Variants in SORCS2 observed in about 807,000 individuals in gnomAD.
SORCS2 encodes VPS10 domain-containing receptor SorCS2.
In SORCS2, 100 loss-of-function variants were observed where a neutral mutation model predicts 141.6. The ratio of observed to expected loss-of-function variants is 0.71; its 90% CI spans 0.60 to 0.83. SORCS2 has a LOEUF of 0.83. Among genes scored for constraint, SORCS2 ranks in the 40% least tolerant of loss-of-function variants. The pLI, the probability that SORCS2 is intolerant of heterozygous loss-of-function variation, is 0.00. For missense variants in SORCS2, 1,646 were observed against 1,560.2 expected (o/e 1.05, Z -0.93); for synonymous variants, 789 against 676.9 (o/e 1.17, Z -2.57).
rs564377684 is a variant in SORCS2 at position 7,686,059 on chromosome 4, C to T, written c.1488+3170C>T. On this transcript the variant is annotated intron_variant, in intron 10 of 26. Transcript: ENST00000507866. ...AGTTGTCATTGGGATCCCACACGTGCGTGATTTTTCAGCCCTCTGTTTTTC... is the reference window on the plus strand; with the variant it reads ...AGTTGTCATTGGGATCCCACACGTGTGTGATTTTTCAGCCCTCTGTTTTTC... Among the ~76,000 whole-genome samples the T allele has an allele frequency of 3.3e-4, 51 of 152,312 alleles. 2 individuals carry two copies. The highest frequency in any genetic ancestry group is 4.1e-4 in the South Asian group (2 of 4,828).
At chr4:7,288,461 A>C (rs1229788330) in intron 1 of SORCS2, among the ~76,000 whole-genome samples, 1 of 149,744 alleles carries the variant, frequency 6.7e-6, no homozygotes, top group Non-Finnish European at 1.5e-5. Context: ...TGGAGGCTGG[A>C]TGTCCAAGAT....
intron 3 of SORCS2, among the ~76,000 whole-genome samples, chr4:7,629,909 G>A (rs989389679): frequency 2.0e-5 from 3 of 152,078 alleles, no homozygotes; most frequent in African/African-American, 7.2e-5. Flanking sequence ...GAAACTTAGT[G>A]TGCTCTTGTA....
intron 1 of SORCS2, among the ~76,000 whole-genome samples, chr4:7,375,622 C>T (rs971595348): frequency 6.6e-6 from 1 of 152,210 alleles, no homozygotes; most frequent in African/African-American, 2.4e-5. Flanking sequence ...GGCTTGGCTG[C>T]CCAGAACCAG....
chr4:7,378,739 C>G (rs569079914), intron 1 of SORCS2, among the ~76,000 whole-genome samples: 1 of 152,312 alleles, frequency 6.6e-6, no homozygotes, highest in South Asian at 2.1e-4. Flanking sequence ...TTGCATGTGT[C>G]ATCCCTGAGG....
chr4:7,433,413 C>T (rs961521740), intron 2 of SORCS2: 1 of 1,510,508 alleles, frequency 6.6e-7, no homozygotes, highest in African/African-American at 1.4e-5. Context: ...GGCTCCTGCA[C>T]CAGAAGCTTG....
chr4:7,420,490 A>C (rs1725967671), intron 2 of SORCS2, among the ~76,000 whole-genome samples: 1 of 152,174 alleles, frequency 6.6e-6, no homozygotes. Context: ...CAGCCAGTGG[A>C]CATGTGGGGG....
rs201336085 is a variant in SORCS2, at chr4:7,638,381, C to T, written c.702C>T (p.Ser234=). The T allele has an allele frequency of 3.4e-5, 54 of 1,568,378 alleles. No homozygotes were observed. Among genetic ancestry groups the T allele is most frequent in the African/African-American group, 2.2e-4 (16 of 72,826 alleles). ...LSDRDQSLFL[S]ADEGATFQKQ... ...ACCGGGACCAGAGCCTATTCCTCAG[C>T]GCAGACGAAGGCGCCACCTTTCAGA... is the stretch of plus-strand genomic sequence containing the variant. The change falls in exon 4 of 27, where the codon AGC becomes AGT. Residue 234 remains serine, a synonymous_variant. Coordinates refer to ENST00000507866, the MANE Select transcript of SORCS2 (RefSeq NM_020777.3).
At chr4:7,231,521 C>T (rs963421520) in intron 1 of SORCS2, among the ~76,000 whole-genome samples, 2 of 152,042 alleles carry the variant, frequency 1.3e-5, no homozygotes, top group Admixed American at 6.5e-5. Context: ...ATCTGTCCAT[C>T]CATCCATCCA....
At chr4:7,639,781 GT>G (rs1478711512) in intron 4 of SORCS2, among the ~76,000 whole-genome samples, 6 of 151,872 alleles carry the variant, frequency 4.0e-5, no homozygotes, top group Non-Finnish European at 8.8e-5. Context: ...ACGTGTGTGT[GT>G]GTGGGTATGT....
intron 3 of SORCS2, among the ~76,000 whole-genome samples, chr4:7,576,135 G>A (rs542365945): frequency 7.9e-5 from 12 of 152,310 alleles, no homozygotes; most frequent in African/African-American, 1.4e-4. Flanking sequence ...ATTAATTAGC[G>A]TGCGAGGGAG....
At chr4:7,422,741 C>T (rs1289789453) in intron 2 of SORCS2, among the ~76,000 whole-genome samples, 1 of 152,180 alleles carries the variant, frequency 6.6e-6, no homozygotes, top group African/African-American at 2.4e-5. Context: ...CCGTCTCTCG[C>T]CTGGACGCCA....
Position 7,741,148 on chromosome 4 carries a change from T to A in SORCS2, c.*884T>A. 3 of 398,258 alleles carry A rather than the reference T, an allele frequency of 7.5e-6. No homozygotes were observed. In the East Asian group the frequency reaches 1.1e-4, roughly 14 times the overall value. 24.7% of individuals were successfully genotyped at this position (398,258 alleles called of 1,614,324 possible). ...AAGGAGCCAGATGCCCCCAGAAAGG[T>A]GGGTGGTGGAGACGGCACCAGATGT... is the stretch of plus-strand genomic sequence containing the variant. On this transcript the variant is annotated 3_prime_UTR_variant, in exon 27 of 27. Transcript: ENST00000507866.
At chr4:7,290,092 G>A (rs1218671051) in intron 1 of SORCS2, among the ~76,000 whole-genome samples, 1 of 152,182 alleles carries the variant, frequency 6.6e-6, no homozygotes, top group Non-Finnish European at 1.5e-5. Context: ...ATATGGGGGA[G>A]ACTGCAAGTA....
chr4:7,388,044 A>C (rs1002624386), intron 1 of SORCS2, among the ~76,000 whole-genome samples: 11 of 152,068 alleles, frequency 7.2e-5, no homozygotes, highest in African/African-American at 2.7e-4. Context: ...ACATGCACAC[A>C]CACATGCACA....
At chr4:7,373,519 C>T (rs12511870) in intron 1 of SORCS2, among the ~76,000 whole-genome samples, 74,531 of 109,318 alleles carry the variant, frequency 0.68, 25,393 homozygotes, top group East Asian at 0.92. Flanking sequence ...GTCGGGGTCT[C>T]GCTCTGTCAC....
intron 4 of SORCS2, among the ~76,000 whole-genome samples, chr4:7,640,165 T>C (rs1448798381): frequency 7.1e-6 from 1 of 140,528 alleles, no homozygotes; most frequent in Non-Finnish European, 1.5e-5. Context: ...TGTATGGGCA[T>C]GTGTGGGTGA....
chr4:7,615,189 A>G (rs1390334031), intron 3 of SORCS2, among the ~76,000 whole-genome samples: 1 of 152,026 alleles, frequency 6.6e-6, no homozygotes, highest in East Asian at 1.9e-4. Context: ...GCCTTCCTTC[A>G]CTCCATATTG....
intron 8 of SORCS2, among the ~76,000 whole-genome samples, chr4:7,675,696 T>C (rs1723060882): frequency 1.3e-5 from 2 of 152,276 alleles, no homozygotes; most frequent in Non-Finnish European, 2.9e-5. Context: ...ATCAACCATC[T>C]GGGGGTGCAT....
At chr4:7,689,126 C>T (rs1724052306) in intron 10 of SORCS2, among the ~76,000 whole-genome samples, 1 of 152,062 alleles carries the variant, frequency 6.6e-6, no homozygotes, top group Non-Finnish European at 1.5e-5. Flanking sequence ...TGCCCAAGAG[C>T]CCTCAGTGGG....
Sources: allele counts gnomAD v4.1 joint callset (sites outside exome capture counted in the v4.1 genomes callset), GRCh38; gene constraint gnomAD v4.1.1; transcripts MANE v1.5; gene names NCBI Gene and HGNC (gene_info 2026-07-23, HGNC 2026-07-21).